RNF13: variants seen among roughly 807,000 people sequenced by gnomAD.
RNF13 encodes E3 ubiquitin-protein ligase RNF13.
Under a neutral mutation model 37.7 loss-of-function variants are expected in RNF13, and 19 were observed. The observed-to-expected ratio is 0.50, with a 90% CI of 0.35 to 0.74. RNF13 has a LOEUF of 0.74. Ranked by LOEUF, RNF13 falls within the 30% of genes least tolerant of loss-of-function variation. The pLI, the probability that RNF13 is intolerant of heterozygous loss-of-function variation, is 0.01. For synonymous variants in RNF13, 144 were observed against 157.8 expected, an observed-to-expected ratio of 0.91 and a Z score of 0.65; for missense variants, 375 against 453.0, an observed-to-expected ratio of 0.83 and a Z score of 1.56.
At chr3:149,940,907 TG>T (rs1266358040) in intron 8 of RNF13, among the ~76,000 whole-genome samples, 3 of 152,216 alleles carry the variant, frequency 2.0e-5, no homozygotes, top group Non-Finnish European at 4.4e-5. Flanking sequence ...TTCTACAATT[TG>T]ACTACTTTAG....
intron 1 of RNF13, among the ~76,000 whole-genome samples, chr3:149,841,656 G>A (rs2108364323): frequency 6.6e-6 from 1 of 152,226 alleles, no homozygotes; most frequent in South Asian, 2.1e-4. Context: ...GTCCTGCTCT[G>A]TTGCTCAGGC....
chr3:149,935,734 T>A (rs1248488693), intron 8 of RNF13, among the ~76,000 whole-genome samples: 3 of 152,226 alleles, frequency 2.0e-5, no homozygotes, highest in African/African-American at 7.2e-5. Context: ...ATTGCCTGAC[T>A]TTTAACAGAT....
intron 7 of RNF13, among the ~76,000 whole-genome samples, chr3:149,919,390 T>C (rs1171196116): frequency 6.6e-6 from 1 of 152,136 alleles, no homozygotes; most frequent in African/African-American, 2.4e-5. Flanking sequence ...CAACTTTTCC[T>C]TCATCCTCCC....
intron 4 of RNF13, among the ~76,000 whole-genome samples, chr3:149,885,911 T>C (rs1226701062): frequency 6.6e-6 from 1 of 152,212 alleles, no homozygotes; most frequent in Non-Finnish European, 1.5e-5. Context: ...TATTTTTATA[T>C]GGCAAGAAAT....
intron 8 of RNF13, chr3:149,938,971 A>G (rs1559964163): frequency 4.5e-6 from 2 of 445,560 alleles, no homozygotes; most frequent in South Asian, 3.8e-5. Flanking sequence ...ATTTTTAACA[A>G]ATTGTTTAAA....
intron 2 of RNF13, among the ~76,000 whole-genome samples, chr3:149,848,912 A>G (rs923292263): frequency 1.3e-4 from 20 of 152,160 alleles, no homozygotes; most frequent in Admixed American, 1.2e-3. Context: ...CTTGGAAGGC[A>G]GGACTGTGTC....
chr3:149,823,645 T>C (rs1245360027), intron 1 of RNF13, among the ~76,000 whole-genome samples: 1 of 152,196 alleles, frequency 6.6e-6, no homozygotes, highest in African/African-American at 2.4e-5. Context: ...CAAAGTCATG[T>C]GTCAGCCATA....
At chr3:149,821,460 A>C (rs1327476896) in intron 1 of RNF13, among the ~76,000 whole-genome samples, 1 of 152,116 alleles carries the variant, frequency 6.6e-6, no homozygotes, top group Non-Finnish European at 1.5e-5. Flanking sequence ...CCATGTGTGT[A>C]TCTGCTTTAG....
chr3:149,858,678 A>G (rs951231674), intron 3 of RNF13, among the ~76,000 whole-genome samples: 7 of 152,228 alleles, frequency 4.6e-5, no homozygotes, highest in African/African-American at 1.7e-4. Context: ...GAAGAGATGA[A>G]GATCATGGGA....
At chr3:149,869,414 G>A (rs1049069689) in intron 3 of RNF13, among the ~76,000 whole-genome samples, 30 of 151,436 alleles carry the variant, frequency 2.0e-4, no homozygotes. Flanking sequence ...GACCATCCCG[G>A]CTAAAACGGT....
At chr3:149,889,288 T>TGTGC (rs989966218) in intron 4 of RNF13, among the ~76,000 whole-genome samples, 3 of 117,096 alleles carry the variant, frequency 2.6e-5, no homozygotes, top group Non-Finnish European at 5.3e-5. Flanking sequence ...TGAATTTGAG[T>TGTGC]GTGCGTGTGT....
chr3:149,921,697 A>G (rs1047332825), intron 8 of RNF13, among the ~76,000 whole-genome samples: 1 of 152,108 alleles, frequency 6.6e-6, no homozygotes, highest in Non-Finnish European at 1.5e-5. Context: ...TATCCAGTCT[A>G]TTATTGATGG....
intron 8 of RNF13, among the ~76,000 whole-genome samples, chr3:149,934,241 A>C (rs1340335660): frequency 6.6e-6 from 1 of 151,716 alleles, no homozygotes; most frequent in Non-Finnish European, 1.5e-5. Context: ...TTATACTTTG[A>C]GTGTTTTCTC....
At chr3:149,902,027 C>A in intron 5 of RNF13, 45 bp from the exon 6 acceptor site, 2 of 873,554 alleles carry the variant, frequency 2.3e-6, no homozygotes, top group Non-Finnish European at 3.4e-6. Flanking sequence ...TGATTATACA[C>A]TAAATATGGG....
At chr3:149,814,321 C>A (rs553739589) in intron 1 of RNF13, 20 of 152,286 alleles carry the variant, frequency 1.3e-4, no homozygotes, top group African/African-American at 4.8e-4. Flanking sequence ...CAGATCAATT[C>A]AAGATTTAAG....
intron 8 of RNF13, among the ~76,000 whole-genome samples, chr3:149,940,367 T>C (rs1303843579): frequency 6.6e-6 from 1 of 152,202 alleles, no homozygotes; most frequent in Non-Finnish European, 1.5e-5. Flanking sequence ...ATTTCACTTA[T>C]ATATGTTATA....
At chr3:149,845,498 A>C (rs536848663) in intron 1 of RNF13, among the ~76,000 whole-genome samples, 13 of 152,304 alleles carry the variant, frequency 8.5e-5, no homozygotes, top group Non-Finnish European at 1.9e-4. Context: ...ATGGACAAAA[A>C]GTATTCCTTT....
chr3:149,961,717 T>G lies in RNF13; in HGVS notation c.*613T>G, dbSNP rs1722452019. ...TAACGTTTTAATTACTATAGTGTTA[T>G]GTAGAGATTTGATTGAGCAGCTAAT... On this transcript the variant is annotated 3_prime_UTR_variant, in exon 10 of 10. Coordinates refer to ENST00000392894, the MANE Select transcript of RNF13 (RefSeq NM_183381.3). The G allele has an allele frequency of 6.2e-6, 1 of 160,082 alleles. No homozygotes were observed. Among genetic ancestry groups the G allele is most frequent in the Middle Eastern group, 3.2e-3 (1 of 310 alleles). 9.9% of individuals were successfully genotyped at this position (160,082 alleles called of 1,614,324 possible).
intron 1 of RNF13, among the ~76,000 whole-genome samples, chr3:149,844,844 A>AC (rs1559902118): frequency 6.6e-6 from 1 of 152,188 alleles, no homozygotes; most frequent in African/African-American, 2.4e-5. Context: ...TAGTATATTT[A>AC]TAGAGTTGTG....
Sources: allele counts gnomAD v4.1 joint callset (sites outside exome capture counted in the v4.1 genomes callset), GRCh38; gene constraint gnomAD v4.1.1; transcripts MANE v1.5; gene names NCBI Gene and HGNC (gene_info 2026-07-23, HGNC 2026-07-21).